DST: variants seen among roughly 807,000 people sequenced by gnomAD.
The protein encoded by DST is dystonin.
DST carries 253 observed loss-of-function variants against 875.2 expected under a neutral mutation model. The ratio of observed to expected loss-of-function variants is 0.29; its 90% confidence interval spans 0.26 to 0.32. The LOEUF is 0.32. DST is among the 10% of genes least tolerant of loss of function. The pLI is 1.00. For synonymous variants in DST, 3,124 were observed against 3,197.1 expected, an observed-to-expected ratio of 0.98 and a Z score of 0.77; for missense variants, 8,287 against 9,111.6, an observed-to-expected ratio of 0.91 and a Z score of 3.68.
At chr6:56,843,138 C>T in intron 4 of DST, 5 of 1,566,572 alleles carry the variant, frequency 3.2e-6, no homozygotes, top group Non-Finnish European at 4.3e-6. Flanking sequence ...GGAGAGGTAA[C>T]CCGCCATGCC....
chr6:56,781,324 T>A (rs915155534), intron 4 of DST, among the ~76,000 whole-genome samples: 1 of 152,302 alleles, frequency 6.6e-6, no homozygotes, highest in Non-Finnish European at 1.5e-5. Flanking sequence ...GTATGGCCAT[T>A]TTCAAGATAT....
At chr6:56,738,290 T>C in intron 4 of DST, among the ~76,000 whole-genome samples, 1 of 152,220 alleles carries the variant, frequency 6.6e-6, no homozygotes, top group East Asian at 1.9e-4. Context: ...AGAAGTAGTT[T>C]GCTAATTCTG....
chr6:56,575,998 T>G (rs1446583901), intron 50 of DST, among the ~76,000 whole-genome samples: 3 of 152,140 alleles, frequency 2.0e-5, no homozygotes, highest in African/African-American at 7.2e-5. Context: ...ACCATGTGAT[T>G]AGACAGTTGG....
chr6:56,666,638 G>A (rs899958697), intron 10 of DST, among the ~76,000 whole-genome samples: 1 of 151,480 alleles, frequency 6.6e-6, no homozygotes, highest in African/African-American at 2.4e-5. Flanking sequence ...AAAAAATAAA[G>A]CCCAATAAAA....
intron 36 of DST, among the ~76,000 whole-genome samples, chr6:56,621,300 G>A (rs1309007677): frequency 6.6e-6 from 1 of 152,148 alleles, no homozygotes; most frequent in African/African-American, 2.4e-5. Flanking sequence ...AAATAACATG[G>A]GGAAGAAGGA....
intron 2 of DST, among the ~76,000 whole-genome samples, chr6:56,916,768 T>TCA: frequency 2.0e-5 from 2 of 101,476 alleles, no homozygotes; most frequent in African/African-American, 7.8e-5. Flanking sequence ...TCTCTCTCTC[T>TCA]CTCTCTCTCT....
At chr6:56,482,502 A>T in intron 89 of DST, 181 bp downstream of exon 89, 1 of 602,558 alleles carries the variant, frequency 1.7e-6, no homozygotes, top group Non-Finnish European at 2.7e-6. Flanking sequence ...TCCCTCTAGC[A>T]GTAATTTAAA....
intron 2 of DST, among the ~76,000 whole-genome samples, chr6:56,913,081 T>C (rs779656005): frequency 4.6e-5 from 7 of 152,210 alleles, no homozygotes; most frequent in Non-Finnish European, 1.0e-4. Flanking sequence ...AGAGCTCCAT[T>C]GACACATCTT....
At chr6:56,636,196 A>G (rs186449758) in intron 23 of DST, among the ~76,000 whole-genome samples, 6 of 151,788 alleles carry the variant, frequency 4.0e-5, no homozygotes, top group Admixed American at 6.6e-5. Context: ...CTCATAGGAC[A>G]TAAAACCAAC....
intron 9 of DST, among the ~76,000 whole-genome samples, chr6:56,684,047 A>G (rs1199244409): frequency 6.6e-6 from 1 of 152,240 alleles, no homozygotes; most frequent in East Asian, 1.9e-4. Flanking sequence ...ACTTACTGCT[A>G]AATGAATTGC....
rs115984945 is a variant in DST at position 56,943,804 on chromosome 6, G to C, written c.216+9981C>G. On this transcript the variant is annotated intron_variant, in intron 2 of 103. Coordinates refer to ENST00000680361, the MANE Select transcript of DST (RefSeq NM_001374736.1). Reference sequence around the variant, plus strand: ...TAAACACAGGGTAAGACATAAGTAAGGTATAACTATATGTCTAAAATAAAA... The same window carrying C: ...TAAACACAGGGTAAGACATAAGTAACGTATAACTATATGTCTAAAATAAAA... Among the ~76,000 whole-genome samples, 566 of 151,984 alleles carry C rather than the reference G, an allele frequency of 3.7e-3. 5 individuals are homozygous for C. Among genetic ancestry groups the C allele is most frequent in the African/African-American group, 0.013 (546 of 41,472 alleles).
At chr6:56,509,431 T>A (rs1298139040) in intron 74 of DST, among the ~76,000 whole-genome samples, 1 of 152,238 alleles carries the variant, frequency 6.6e-6, no homozygotes, top group Non-Finnish European at 1.5e-5. Context: ...GGTCTATGTA[T>A]AATGGCACGC....
chr6:56,870,350 C>T (rs542125392), intron 3 of DST, among the ~76,000 whole-genome samples: 18 of 149,418 alleles, frequency 1.2e-4, no homozygotes, highest in African/African-American at 4.5e-4. Flanking sequence ...CCCAGGCACT[C>T]GAGCCAGCAA....
intron 85 of DST, among the ~76,000 whole-genome samples, chr6:56,490,963 A>G (rs767639816): frequency 3.9e-5 from 6 of 152,226 alleles, no homozygotes; most frequent in Non-Finnish European, 8.8e-5. Flanking sequence ...GAAAAAGATG[A>G]GCAACTGGCT....
chr6:56,815,021 G>A (rs1265955854), intron 4 of DST, among the ~76,000 whole-genome samples: 2 of 152,296 alleles, frequency 1.3e-5, no homozygotes, highest in East Asian at 1.9e-4. Flanking sequence ...TAGAATCACC[G>A]CTCTGCCACT....
At chr6:56,618,701 T>C in intron 36 of DST, 1 of 1,613,910 alleles carries the variant, frequency 6.2e-7, no homozygotes, top group Non-Finnish European at 8.5e-7. Flanking sequence ...AGACACAAAG[T>C]CAAGCCTAAT....
intron 3 of DST, among the ~76,000 whole-genome samples, chr6:56,862,322 T>C (rs1771645612): frequency 6.6e-6 from 1 of 152,152 alleles, no homozygotes. Context: ...ATTTCCTTTC[T>C]TGCTTGTTGC....
At position 56,631,946 on chromosome 6, in the gene DST, C is replaced by G; in HGVS notation, c.3900G>C (p.Gln1300His). The G allele has an allele frequency of 6.2e-7, 1 of 1,613,854 alleles. No homozygotes were observed. Among genetic ancestry groups the G allele is most frequent in the East Asian group, 2.2e-5 (1 of 44,872 alleles). Residue 1300 changes from glutamine to histidine, a missense_variant, in exon 29 of 104, where the codon CAG becomes CAC. Around this residue, in one of 10 missense-constraint regions of DST, gnomAD observed 3,138 missense variants for 3,116.6 expected, o/e 1.01. Transcript: ENST00000680361. The stretch of plus-strand genomic sequence containing the variant: ...CATCTCTTTCCAGGGGAGTTCGAAT[C>G]TGTCTAATCAGCCGATCTTCACAGT... ...LENCEDRLIR[Q>H]IRTPLERDDL...
intron 4 of DST, among the ~76,000 whole-genome samples, chr6:56,799,577 T>A (rs530779014): frequency 9.7e-5 from 10 of 102,674 alleles, no homozygotes; most frequent in African/African-American, 2.8e-4. Flanking sequence ...ACCTTCAGCA[T>A]TTTTTTTTTT....
Sources: allele counts gnomAD v4.1 joint callset (sites outside exome capture counted in the v4.1 genomes callset), GRCh38; gene constraint gnomAD v4.1.1; regional missense constraint gnomAD v4.1.1; transcripts MANE v1.5; gene names NCBI Gene and HGNC (gene_info 2026-07-23, HGNC 2026-07-21).